Variants in LEF1 observed in about 807,000 individuals in gnomAD.
LEF1 encodes the protein lymphoid enhancer binding factor 1.
A neutral mutation model predicts 51.2 loss-of-function variants in LEF1; 14 were observed. The observed-to-expected ratio is 0.27, with a 90% confidence interval of 0.18 to 0.43. LEF1 has a LOEUF of 0.43. Among genes scored for constraint, LEF1 ranks in the 20% least tolerant of loss-of-function variants. LEF1 has a pLI of 1.00. For missense variants in LEF1, 386 were observed against 512.0 expected (o/e 0.75, Z 2.37); for synonymous variants, 185 against 183.2 (o/e 1.01, Z -0.08).
At position 108,135,585 on chromosome 4, in the gene LEF1, A is replaced by G. The variant is rs1207892690; in HGVS notation, c.414+27983T>C. 2.0e-5 allele frequency among the ~76,000 whole-genome samples: 3 copies of G among 152,168 alleles called. No homozygotes were observed. The East Asian group carries it at 5.8e-4, about 29-fold the overall frequency. On this transcript the variant is annotated intron_variant, in intron 3 of 11. Coordinates refer to ENST00000265165, the MANE Select transcript of LEF1 (RefSeq NM_016269.5). Reference sequence around the variant, plus strand: ...GGGACTGGCATGCCCCAGGAGAGGTACAGTGCTGTGTCTGCTAGCCGGCAA... The same window carrying G: ...GGGACTGGCATGCCCCAGGAGAGGTGCAGTGCTGTGTCTGCTAGCCGGCAA...
chr4:108,064,472 A>G, intron 9 of LEF1, 88 bp from the exon 10 acceptor site: 1 of 944,888 alleles, frequency 1.1e-6, no homozygotes, highest in South Asian at 1.4e-5. Flanking sequence ...CAGGTGGTCA[A>G]CAAAGAGGTA....
At chr4:108,098,627 C>T (rs1740543883) in intron 3 of LEF1, among the ~76,000 whole-genome samples, 1 of 152,036 alleles carries the variant, frequency 6.6e-6, no homozygotes, top group African/African-American at 2.4e-5. Flanking sequence ...CTTATGTGTA[C>T]AATTTTGTCC....
intron 1 of LEF1, chr4:108,166,169 AC>A: frequency 8.3e-7 from 1 of 1,206,736 alleles, no homozygotes; most frequent in Non-Finnish European, 1.1e-6. Context: ...GGTTAGGTGC[AC>A]CCTACCCCCG....
chr4:108,103,694 T>C (rs890098316), intron 3 of LEF1, among the ~76,000 whole-genome samples: 3 of 152,202 alleles, frequency 2.0e-5, no homozygotes, highest in Non-Finnish European at 4.4e-5. Flanking sequence ...TCAATGTAAA[T>C]AATGTTTTCT....
In LEF1 at chr4:108,086,337, G is replaced by A. The variant is rs542946827; in HGVS notation, c.547+2788C>T. On this transcript the variant is annotated intron_variant, in intron 4 of 11. Transcript: ENST00000265165. ...ACTCGTGGCCTCAAGCGATCCTTGC[G>A]TCAGCCTCCTGAGTAGCTGGGATTA... Among the ~76,000 whole-genome samples, 11 of 152,054 alleles carry A rather than the reference G, an allele frequency of 7.2e-5. No homozygotes were observed. In the East Asian group the frequency reaches 9.7e-4, roughly 13 times the overall value.
At chr4:108,138,143 C>T (rs1743414483) in intron 3 of LEF1, among the ~76,000 whole-genome samples, 1 of 152,188 alleles carries the variant, frequency 6.6e-6, no homozygotes, top group South Asian at 2.1e-4. Context: ...CTTTCCTCCA[C>T]CCATGGCCTC....
chr4:108,133,141 T>G (rs1235283212), intron 3 of LEF1, among the ~76,000 whole-genome samples: 7 of 151,920 alleles, frequency 4.6e-5, no homozygotes, highest in Admixed American at 1.3e-4. Flanking sequence ...GCCTGGCTAA[T>G]TTTTGGATTT....
In LEF1 at chr4:108,168,873, C is replaced by G. The variant is rs1002106475; in HGVS notation, c.-1106G>C. On this transcript the variant is annotated 5_prime_UTR_variant, in exon 1 of 12. Coordinates refer to ENST00000265165, the MANE Select transcript of LEF1 (RefSeq NM_016269.5). This position sits in a 1 kb window ranked among gnomAD's most constrained non-coding sequence, Gnocchi z 4.6. ...TTCCTCGGCCCGAGAGCGCGCAGCCCGGGTCCCTCCTCCGCGCCCTGCCCC... is the reference window on the plus strand; with the variant it reads ...TTCCTCGGCCCGAGAGCGCGCAGCCGGGGTCCCTCCTCCGCGCCCTGCCCC... 4 of 152,194 alleles carry G rather than the reference C, an allele frequency of 2.6e-5. No homozygotes were observed. The highest frequency in any genetic ancestry group is 5.9e-5 in the Non-Finnish European group (4 of 68,040). The allele number at this position is 152,194 out of a possible 1,614,324, so 9.4% of individuals were successfully genotyped here. A position where few individuals can be genotyped will look rare whatever the true frequency, so the allele number is the denominator to read the frequency against.
intron 11 of LEF1, among the ~76,000 whole-genome samples, chr4:108,058,211 AAACT>A (rs1351259299): frequency 2.6e-5 from 4 of 152,114 alleles, no homozygotes; most frequent in Non-Finnish European, 4.4e-5. Flanking sequence ...TCCTTCTTTT[AAACT>A]AACTCTCATG....
At chr4:108,128,829 A>G (rs1165956130) in intron 3 of LEF1, among the ~76,000 whole-genome samples, 1 of 152,184 alleles carries the variant, frequency 6.6e-6, no homozygotes, top group East Asian at 1.9e-4. Context: ...CAGTACAGTT[A>G]AATATATTTC....
intron 3 of LEF1, among the ~76,000 whole-genome samples, chr4:108,150,946 C>A (rs968002759): frequency 1.3e-5 from 2 of 152,112 alleles, no homozygotes; most frequent in African/African-American, 4.8e-5. Context: ...GGTCAAGGTC[C>A]AGGAAGCTTC....
At chr4:108,156,915 T>C (rs1038788642) in intron 3 of LEF1, among the ~76,000 whole-genome samples, 3 of 151,966 alleles carry the variant, frequency 2.0e-5, no homozygotes, top group South Asian at 4.2e-4. Context: ...ATCTGGATGA[T>C]GGATACTATA....
intron 4 of LEF1, among the ~76,000 whole-genome samples, chr4:108,084,681 CAT>C (rs1739527191): frequency 6.6e-6 from 1 of 152,188 alleles, no homozygotes; most frequent in African/African-American, 2.4e-5. Context: ...TACCTTAAAT[CAT>C]CTCATGTTTT....
chr4:108,055,701 C>T (rs560752555), intron 11 of LEF1, among the ~76,000 whole-genome samples: 43 of 152,120 alleles, frequency 2.8e-4, no homozygotes, highest in Admixed American at 1.4e-3. Flanking sequence ...TTTAATGAAC[C>T]TCATATACTC....
intron 3 of LEF1, among the ~76,000 whole-genome samples, chr4:108,092,917 T>TAAAAAAAAAAAAAAAAAA (rs71592104): frequency 2.9e-4 from 9 of 31,158 alleles, no homozygotes; most frequent in African/African-American, 3.9e-4. Flanking sequence ...AATGAATATG[T>TAAAAAAAAAAAAAAAAAA]AAAAAAAAAA....
At chr4:108,105,714 A>T (rs1286216576) in intron 3 of LEF1, among the ~76,000 whole-genome samples, 1 of 152,176 alleles carries the variant, frequency 6.6e-6, no homozygotes, top group Non-Finnish European at 1.5e-5. Flanking sequence ...CTTATGATAG[A>T]GCAATGGATA....
intron 7 of LEF1, 143 bp downstream of exon 7, chr4:108,079,349 T>C: frequency 2.2e-6 from 2 of 929,170 alleles, no homozygotes; most frequent in Non-Finnish European, 3.3e-6. Flanking sequence ...CTTAATGTCC[T>C]CAGGGACAGA....
intron 6 of LEF1, among the ~76,000 whole-genome samples, chr4:108,080,433 A>T (rs1238248571): frequency 6.6e-6 from 1 of 152,230 alleles, no homozygotes; most frequent in Admixed American, 6.5e-5. Context: ...CAACATTCTC[A>T]GGTCTTTCAT....
At chr4:108,057,230 GC>G (rs943340089) in intron 11 of LEF1, among the ~76,000 whole-genome samples, 1 of 152,072 alleles carries the variant, frequency 6.6e-6, no homozygotes, top group Non-Finnish European at 1.5e-5. Context: ...AGTTGTTGAA[GC>G]CTTAATTTTT....
Sources: gnomAD v4.1 joint callset for allele counts (sites outside exome capture counted in the v4.1 genomes callset) on GRCh38, gnomAD v4.1.1 for gene constraint, Gnocchi (gnomAD v3.1) non-coding constraint, MANE v1.5 for transcripts, NCBI Gene and HGNC (gene_info 2026-07-23, HGNC 2026-07-21) for gene names.